RIT2: variants seen among roughly 807,000 people sequenced by gnomAD.
RIT2 encodes Ras like without CAAX 2, also known as GTP-binding protein Rit2.
In RIT2, 24 loss-of-function variants were observed where a neutral mutation model predicts 23.7. The ratio of observed to expected loss-of-function variants is 1.01; its 90% CI spans 0.73 to 1.43. The LOEUF (loss-of-function observed/expected upper bound fraction) is 1.43, where lower values mean the gene tolerates loss of function less well. Ranked by LOEUF, RIT2 falls within the 40% of genes most tolerant of loss-of-function variation. RIT2 has a pLI of 0.00. For missense variants in RIT2, 236 were observed against 266.9 expected (o/e 0.88, Z 0.81); for synonymous variants, 107 against 91.1 (o/e 1.17, Z -0.99).
chr18:42,923,494 C>T, intron 4 of RIT2, 78 bp downstream of exon 4: 1 of 1,181,498 alleles, frequency 8.5e-7, no homozygotes, highest in Non-Finnish European at 1.2e-6. Flanking sequence ...TCAGTGTGAA[C>T]CTGGGAAAGC....
chr18:42,889,133 T>A (rs1908105341), intron 4 of RIT2, among the ~76,000 whole-genome samples: 1 of 152,068 alleles, frequency 6.6e-6, no homozygotes, highest in Non-Finnish European at 1.5e-5. Context: ...TAATGGACAA[T>A]ATTTTGGTCA....
At chr18:42,757,724 C>CA (rs1305323373) in intron 4 of RIT2, among the ~76,000 whole-genome samples, 1 of 152,124 alleles carries the variant, frequency 6.6e-6, no homozygotes, top group African/African-American at 2.4e-5. Context: ...TATTATCAGC[C>CA]AGTTCCCTGT....
intron 4 of RIT2, among the ~76,000 whole-genome samples, chr18:42,756,129 G>A (rs1435967881): frequency 2.0e-5 from 3 of 152,060 alleles, no homozygotes; most frequent in African/African-American, 7.2e-5. Flanking sequence ...ACAATCAGAG[G>A]CAATTAGTGA....
chr18:42,977,110 A>G (rs1180823902), intron 2 of RIT2, among the ~76,000 whole-genome samples: 1 of 152,058 alleles, frequency 6.6e-6, no homozygotes, highest in Non-Finnish European at 1.5e-5. Context: ...GGCTCATTCA[A>G]GTGAAGACAA....
intron 4 of RIT2, among the ~76,000 whole-genome samples, chr18:42,782,551 A>T (rs1913834675): frequency 6.6e-6 from 1 of 152,138 alleles, no homozygotes; most frequent in South Asian, 2.1e-4. Flanking sequence ...AGGTAGATAG[A>T]TGCAATATAA....
At chr18:43,106,228 T>C (rs1220105853) in intron 1 of RIT2, among the ~76,000 whole-genome samples, 1 of 152,208 alleles carries the variant, frequency 6.6e-6, no homozygotes, top group South Asian at 2.1e-4. Flanking sequence ...ATTGAAAGAA[T>C]AATAGTTTGG....
chr18:42,743,267 T>C lies in RIT2; in HGVS notation c.*226A>G. The stretch of plus-strand genomic sequence containing the variant: ...GTCAATTTTATTTAGTACTATGTTG[T>C]AAAAACTAAACAGCATATCCAGCTG... On this transcript the variant is annotated 3_prime_UTR_variant, in exon 5 of 5. Transcript: ENST00000326695. The C allele has an allele frequency of 1.8e-6, 1 of 552,106 alleles. No homozygotes were observed. Among genetic ancestry groups the C allele is most frequent in the Non-Finnish European group, 3.2e-6 (1 of 310,600 alleles). 34.2% of individuals were successfully genotyped at this position (552,106 alleles called of 1,614,324 possible).
chr18:43,095,513 A>AAAAAAT (rs1472238127), intron 1 of RIT2, among the ~76,000 whole-genome samples: 4 of 152,094 alleles, frequency 2.6e-5, no homozygotes, highest in Middle Eastern at 6.8e-3. Context: ...AAGTTCAATA[A>AAAAAAT]AAAAATAAAA....
intron 4 of RIT2, among the ~76,000 whole-genome samples, chr18:42,814,155 G>A (rs146426551): frequency 1.3e-3 from 204 of 152,294 alleles, no homozygotes; most frequent in African/African-American, 4.5e-3. Flanking sequence ...GGAAAAGGCC[G>A]CAGGGAAAAG....
chr18:42,996,392 A>G (rs1390396356), intron 2 of RIT2, among the ~76,000 whole-genome samples: 1 of 152,148 alleles, frequency 6.6e-6, no homozygotes, highest in Non-Finnish European at 1.5e-5. Flanking sequence ...ATATAAGAAG[A>G]CAGGAATGTC....
chr18:42,869,201 G>T (rs1907552261), intron 4 of RIT2, among the ~76,000 whole-genome samples: 1 of 152,230 alleles, frequency 6.6e-6, no homozygotes, highest in African/African-American at 2.4e-5. Flanking sequence ...GGATGAAACT[G>T]TTCCACTTCA....
chr18:42,842,636 TAC>T (rs1193262651), intron 4 of RIT2, among the ~76,000 whole-genome samples: 4 of 152,114 alleles, frequency 2.6e-5, no homozygotes, highest in Non-Finnish European at 5.9e-5. Context: ...TAAAGTTTAT[TAC>T]AGATTGAGCA....
rs569850917 is a variant in RIT2, at chr18:42,880,847, G to A, written c.426+42725C>T. On this transcript the variant is annotated intron_variant, in intron 4 of 4. Transcript: ENST00000326695. Reference sequence around the variant, plus strand: ...TTTGAGACAGAATTTTGCTCCTGTTGCTCAGGCTGGAGTGCAATGGCATGA... The same window carrying A: ...TTTGAGACAGAATTTTGCTCCTGTTACTCAGGCTGGAGTGCAATGGCATGA... 4.4e-5 allele frequency among the ~76,000 whole-genome samples: 5 copies of A among 114,418 alleles called. No individual in the cohort carries two copies. The South Asian group carries it at 1.4e-3, about 32-fold the overall frequency. The allele number at this position is 114,418 out of a possible 152,430, so 75.1% of individuals were successfully genotyped here.
In RIT2 at chr18:42,913,220, C is replaced by CA. The variant is rs201475221; in HGVS notation, c.426+10351dup. ...GCCAAAAAAAAAAAACAAATTTATACAAAAAAAAATGTTCAGAATGGATAA... is the reference window on the plus strand; with the variant it reads ...GCCAAAAAAAAAAAACAAATTTATACAAAAAAAAAATGTTCAGAATGGATAA... On this transcript the variant is annotated intron_variant, in intron 4 of 4. Coordinates refer to ENST00000326695, the MANE Select transcript of RIT2 (RefSeq NM_002930.4). 6.7e-3 allele frequency among the ~76,000 whole-genome samples: 954 copies of CA among 142,862 alleles called. 6 individuals are homozygous for CA. The highest frequency in any genetic ancestry group is 0.022 in the African/African-American group (870 of 38,910). 93.7% of individuals were successfully genotyped at this position (142,862 alleles called of 152,430 possible). A position where few individuals can be genotyped will look rare whatever the true frequency, so the allele number is the denominator to read the frequency against.
intron 4 of RIT2, among the ~76,000 whole-genome samples, chr18:42,815,202 A>T (rs1905961099): frequency 6.6e-6 from 1 of 152,178 alleles, no homozygotes; most frequent in Admixed American, 6.5e-5. Flanking sequence ...AGAATTCAGG[A>T]GGTTACTTAT....
Position 42,923,541 on chromosome 18 carries a change from A to T in RIT2, c.426+31T>A, listed in dbSNP as rs780617386. ...GTACTATGCATCCTCAGAGCAAAAG[A>T]CAGAAGCTACCAGATAAAATCGGCA... On this transcript the variant is annotated intron_variant, in intron 4 of 4. Transcript: ENST00000326695. The T allele has an allele frequency of 3.1e-6, 5 of 1,596,830 alleles. No individual in the cohort carries two copies. The Admixed American group carries it at 8.4e-5, about 27-fold the overall frequency.
At chr18:42,775,230 C>T (rs1913640208) in intron 4 of RIT2, among the ~76,000 whole-genome samples, 1 of 152,070 alleles carries the variant, frequency 6.6e-6, no homozygotes, top group Non-Finnish European at 1.5e-5. Context: ...TTTAATAAGG[C>T]TAATCACTAT....
At chr18:43,064,331 C>G (rs1391022758) in intron 1 of RIT2, among the ~76,000 whole-genome samples, 1 of 152,058 alleles carries the variant, frequency 6.6e-6, no homozygotes, top group Non-Finnish European at 1.5e-5. Context: ...AATGCATAGC[C>G]TTTTCAGAAG....
At chr18:42,953,029 C>T (rs1909890807) in intron 3 of RIT2, among the ~76,000 whole-genome samples, 1 of 150,510 alleles carries the variant, frequency 6.6e-6, no homozygotes, top group African/African-American at 2.4e-5. Context: ...TCATTGTTAT[C>T]TTCCTCTGCA....
Sources: allele counts gnomAD v4.1 joint callset (sites outside exome capture counted in the v4.1 genomes callset), GRCh38; gene constraint gnomAD v4.1.1; transcripts MANE v1.5; gene names NCBI Gene and HGNC (gene_info 2026-07-23, HGNC 2026-07-21).